Variants in SORCS2 observed in about 807,000 individuals in gnomAD.
SORCS2 encodes the protein sortilin related VPS10 domain containing receptor 2.
SORCS2 carries 100 observed loss-of-function variants against 141.6 expected under a neutral mutation model. The ratio of observed to expected loss-of-function variants is 0.71; its 90% CI spans 0.60 to 0.83. SORCS2 has a LOEUF of 0.83. Among genes scored for constraint, SORCS2 ranks in the 40% least tolerant of loss-of-function variants. The pLI is 0.00. For missense variants in SORCS2, 1,646 were observed against 1,560.2 expected, an observed-to-expected ratio of 1.05 and a Z score of -0.93; for synonymous variants, 789 against 676.9, an observed-to-expected ratio of 1.17 and a Z score of -2.57.
At chr4:7,679,402 C>A (rs952989617) in intron 9 of SORCS2, among the ~76,000 whole-genome samples, 3 of 152,160 alleles carry the variant, frequency 2.0e-5, no homozygotes, top group South Asian at 2.1e-4. Context: ...ATACCCAGGC[C>A]CTGCAATGTG....
chr4:7,469,393 C>G (rs1392253153), intron 2 of SORCS2, among the ~76,000 whole-genome samples: 2 of 152,196 alleles, frequency 1.3e-5, no homozygotes, highest in Non-Finnish European at 2.9e-5. Flanking sequence ...TTTGGGAATG[C>G]ATTGGTTGCT....
intron 12 of SORCS2, among the ~76,000 whole-genome samples, chr4:7,700,839 C>T (rs1029945826): frequency 1.3e-5 from 2 of 152,236 alleles, no homozygotes; most frequent in African/African-American, 2.4e-5. Context: ...TGTGTCTCCA[C>T]CTGTGTGGGG....
At chr4:7,255,503 G>C (rs1055775488) in intron 1 of SORCS2, among the ~76,000 whole-genome samples, 9 of 152,230 alleles carry the variant, frequency 5.9e-5, no homozygotes, top group African/African-American at 2.2e-4. Context: ...GGCTGTGATG[G>C]GGGTCCAGCC....
At chr4:7,389,722 G>A (rs1187915707) in intron 1 of SORCS2, among the ~76,000 whole-genome samples, 1 of 152,172 alleles carries the variant, frequency 6.6e-6, no homozygotes, top group Non-Finnish European at 1.5e-5. Context: ...CAGTGGAGAA[G>A]TGAGAAAGGG....
At chr4:7,599,830 T>C (rs1339300192) in intron 3 of SORCS2, among the ~76,000 whole-genome samples, 2 of 151,026 alleles carry the variant, frequency 1.3e-5, no homozygotes, top group East Asian at 1.9e-4. Flanking sequence ...TTTCTTTTTT[T>C]TTTTTTTTAT....
chr4:7,577,695 A>G (rs180770943), intron 3 of SORCS2, among the ~76,000 whole-genome samples: 1 of 148,122 alleles, frequency 6.8e-6, no homozygotes, highest in African/African-American at 2.5e-5. Context: ...AGCTAGTGCC[A>G]TGGTTTGGAG....
chr4:7,413,314 C>T (rs1026014836), intron 2 of SORCS2, among the ~76,000 whole-genome samples: 2 of 150,114 alleles, frequency 1.3e-5, no homozygotes, highest in East Asian at 2.0e-4. Context: ...CAAATATGTA[C>T]GTGATTTATA....
chr4:7,645,449 T>C (rs1270906606), intron 4 of SORCS2, among the ~76,000 whole-genome samples: 1 of 152,110 alleles, frequency 6.6e-6, no homozygotes, highest in Non-Finnish European at 1.5e-5. Context: ...ATGGGTGTGT[T>C]TGTGAGTATG....
intron 4 of SORCS2, among the ~76,000 whole-genome samples, chr4:7,639,839 ATG>A (rs563862755): frequency 1.4e-5 from 2 of 144,610 alleles, no homozygotes; most frequent in Non-Finnish European, 3.1e-5. Context: ...TAGTGTGTAA[ATG>A]TGTGGGTGTG....
Position 7,724,901 on chromosome 4 carries a change from G to A in SORCS2, c.2612-253G>A, listed in dbSNP as rs1296040301. Among the ~76,000 whole-genome samples the A allele has an allele frequency of 2.9e-3, 224 of 76,768 alleles. 13 individuals are homozygous for A. Among genetic ancestry groups the A allele is most frequent in the East Asian group, 6.1e-3 (15 of 2,454 alleles). The allele number at this position is 76,768 out of a possible 152,430, so 50.4% of individuals were successfully genotyped here. A position where few individuals can be genotyped will look rare whatever the true frequency, so the allele number is the denominator to read the frequency against. ...GATGGTGGTGGTGTTGGTGATGGTG[G>A]TGATAGTATTGGTGGGAATGGATGG... On this transcript the variant is annotated intron_variant, in intron 19 of 26. Transcript: ENST00000507866.
intron 2 of SORCS2, among the ~76,000 whole-genome samples, chr4:7,446,716 GCACC>G (rs1560291022): frequency 5.3e-5 from 8 of 152,176 alleles, no homozygotes; most frequent in Non-Finnish European, 1.0e-4. Flanking sequence ...ACAAGGGGGT[GCACC>G]CTAGTTTTAA....
chr4:7,549,173 T>G (rs983499834), intron 3 of SORCS2, among the ~76,000 whole-genome samples: 1 of 152,180 alleles, frequency 6.6e-6, no homozygotes, highest in Admixed American at 6.5e-5. Flanking sequence ...CAAGCGATGC[T>G]GCTCTTGGTA....
At chr4:7,382,715 C>T (rs1318366210) in intron 1 of SORCS2, among the ~76,000 whole-genome samples, 1 of 150,148 alleles carries the variant, frequency 6.7e-6, no homozygotes, top group African/African-American at 2.5e-5. Flanking sequence ...AATCAGCGTA[C>T]GGGGGCTGGA....
intron 2 of SORCS2, among the ~76,000 whole-genome samples, chr4:7,426,740 C>A (rs1726469931): frequency 6.6e-6 from 1 of 152,176 alleles, no homozygotes; most frequent in Admixed American, 6.5e-5. Context: ...TTATGGGATG[C>A]CTGAGGCTGT....
At chr4:7,410,170 C>T (rs1052217819) in intron 2 of SORCS2, among the ~76,000 whole-genome samples, 3 of 152,226 alleles carry the variant, frequency 2.0e-5, no homozygotes, top group African/African-American at 7.2e-5. Context: ...CACAGCATTC[C>T]TCTCTGTGCC....
intron 1 of SORCS2, among the ~76,000 whole-genome samples, chr4:7,353,107 G>C (rs975471325): frequency 2.6e-5 from 4 of 152,210 alleles, no homozygotes; most frequent in Admixed American, 6.5e-5. Context: ...TCACTGGGAG[G>C]GGGTAGAGGA....
intron 2 of SORCS2, among the ~76,000 whole-genome samples, chr4:7,464,089 A>G (rs1473743697): frequency 6.6e-6 from 1 of 152,324 alleles, no homozygotes; most frequent in East Asian, 1.9e-4. Flanking sequence ...GCAGTGAGCT[A>G]AGAGCTGGAT....
At chr4:7,605,942 G>A (rs1296173812) in intron 3 of SORCS2, among the ~76,000 whole-genome samples, 1 of 152,146 alleles carries the variant, frequency 6.6e-6, no homozygotes. Flanking sequence ...TGACCCCCAG[G>A]ACCTGCACCA....
At chr4:7,552,973 G>A (rs1157104059) in intron 3 of SORCS2, among the ~76,000 whole-genome samples, 1 of 152,190 alleles carries the variant, frequency 6.6e-6, no homozygotes, top group Non-Finnish European at 1.5e-5. Flanking sequence ...GGAAGGGAGC[G>A]AGGAGTGGGG....
Sources: allele counts gnomAD v4.1 joint callset (sites outside exome capture counted in the v4.1 genomes callset), GRCh38; gene constraint gnomAD v4.1.1; transcripts MANE v1.5; gene names NCBI Gene and HGNC (gene_info 2026-07-23, HGNC 2026-07-21).